Variants in PTPRM observed in about 807,000 individuals in gnomAD.
PTPRM encodes receptor-type tyrosine-protein phosphatase mu.
Under a neutral mutation model 186.7 loss-of-function variants are expected in PTPRM, and 47 were observed. That is an observed-to-expected ratio of 0.25 (90% confidence interval 0.20 to 0.32). PTPRM has a LOEUF of 0.32. Ranked by LOEUF, PTPRM falls within the 10% of genes least tolerant of loss-of-function variation. The probability of loss-of-function intolerance (pLI) is 1.00; values close to 1 mark genes in which losing one functional copy is unlikely to be tolerated. For missense variants in PTPRM, 1,494 were observed against 1,865.0 expected (o/e 0.80, Z 3.66); for synonymous variants, 668 against 674.9 (o/e 0.99, Z 0.16).
intron 23 of PTPRM, among the ~76,000 whole-genome samples, chr18:8,344,960 G>T (rs1009476682): frequency 2.0e-5 from 3 of 152,088 alleles, no homozygotes; most frequent in Non-Finnish European, 4.4e-5. Flanking sequence ...CCAGCCCAGG[G>T]AATTGGCAAG....
intron 23 of PTPRM, among the ~76,000 whole-genome samples, chr18:8,346,951 C>T (rs988322229): frequency 2.0e-5 from 3 of 152,194 alleles, no homozygotes; most frequent in East Asian, 1.9e-4. Flanking sequence ...CATAGTGTCA[C>T]GGAGCACACC....
At chr18:7,818,083 T>C (rs982088626) in intron 2 of PTPRM, among the ~76,000 whole-genome samples, 5 of 152,218 alleles carry the variant, frequency 3.3e-5, no homozygotes, top group South Asian at 2.1e-4. Flanking sequence ...TATTTCCCTT[T>C]TATCTTAGCC....
At chr18:8,302,786 G>A (rs1433732197) in intron 20 of PTPRM, among the ~76,000 whole-genome samples, 1 of 152,020 alleles carries the variant, frequency 6.6e-6, no homozygotes, top group African/African-American at 2.4e-5. Context: ...TAGACACATG[G>A]AAGGATGGAT....
At chr18:8,126,586 C>G (rs1439032568) in intron 13 of PTPRM, among the ~76,000 whole-genome samples, 1 of 152,164 alleles carries the variant, frequency 6.6e-6, no homozygotes, top group Non-Finnish European at 1.5e-5. Context: ...CTACTTCCCA[C>G]CAGTCAGATC....
At chr18:8,056,945 A>G (rs2088009026) in intron 7 of PTPRM, among the ~76,000 whole-genome samples, 1 of 152,112 alleles carries the variant, frequency 6.6e-6, no homozygotes, top group Non-Finnish European at 1.5e-5. Context: ...GAGAAAAGGT[A>G]AACTCAGCTA....
intron 7 of PTPRM, among the ~76,000 whole-genome samples, chr18:8,048,077 G>C (rs1169380706): frequency 1.3e-5 from 2 of 152,094 alleles, no homozygotes; most frequent in Admixed American, 1.3e-4. Flanking sequence ...TTTTAAATCA[G>C]CAAATTGAGC....
At chr18:7,607,371 T>C (rs1272410501) in intron 1 of PTPRM, among the ~76,000 whole-genome samples, 1 of 152,174 alleles carries the variant, frequency 6.6e-6, no homozygotes, top group Non-Finnish European at 1.5e-5. Flanking sequence ...GAACGACTGA[T>C]GTGCTGGGGT....
At chr18:7,761,558 G>A (rs1361484186) in intron 1 of PTPRM, among the ~76,000 whole-genome samples, 1 of 152,104 alleles carries the variant, frequency 6.6e-6, no homozygotes, top group Non-Finnish European at 1.5e-5. Flanking sequence ...TTACATTTAG[G>A]TACTGACTCT....
At chr18:7,660,591 T>C (rs572558802) in intron 1 of PTPRM, among the ~76,000 whole-genome samples, 4 of 152,104 alleles carry the variant, frequency 2.6e-5, no homozygotes, top group African/African-American at 9.7e-5. Flanking sequence ...ACACTCCTAG[T>C]TGAGATCAGA....
chr18:8,241,858 A>G (rs1336031064), intron 14 of PTPRM, among the ~76,000 whole-genome samples: 2 of 152,156 alleles, frequency 1.3e-5, no homozygotes, highest in African/African-American at 4.8e-5. Flanking sequence ...ATATGAGCTT[A>G]ATGTTGTGGT....
At chr18:7,912,561 G>C (rs903527364) in intron 4 of PTPRM, among the ~76,000 whole-genome samples, 2 of 152,116 alleles carry the variant, frequency 1.3e-5, no homozygotes, top group Non-Finnish European at 2.9e-5. Flanking sequence ...GCCCAGGCTG[G>C]AGTGCAGTGG....
intron 1 of PTPRM, among the ~76,000 whole-genome samples, chr18:7,688,004 T>G (rs547005147): frequency 6.6e-6 from 1 of 152,128 alleles, no homozygotes; most frequent in Admixed American, 6.5e-5. Context: ...TCTCGATCTC[T>G]TGACTTTGTG....
Position 8,376,194 on chromosome 18 carries a change from A to G in PTPRM, c.3320A>G (p.His1107Arg). 1 of 1,611,226 alleles carries G rather than the reference A, an allele frequency of 6.2e-7. No homozygotes were observed. Among genetic ancestry groups the G allele is most frequent in the Non-Finnish European group, 8.5e-7 (1 of 1,178,782 alleles). Residue 1107 changes from histidine to arginine, a missense_variant, in exon 25 of 33, where the codon CAC becomes CGC. His to Arg is a conservative substitution (Grantham distance 29). This residue lies in a region of PTPRM where 1,107 missense variants were observed against 1,350.2 expected (regional missense o/e 0.82). Coordinates refer to ENST00000580170, the MANE Select transcript of PTPRM (RefSeq NM_001105244.2). ...CCCAGTGCAGGCCCACTGGTGGTGC[A>G]CTGCAGGTAAGCAGAGCTCCAGAGC... ...SPPSAGPLVV[H>R]CSAGAGRTGC...
At chr18:7,969,648 T>C (rs1468477972) in intron 7 of PTPRM, among the ~76,000 whole-genome samples, 1 of 112,560 alleles carries the variant, frequency 8.9e-6, no homozygotes, top group Non-Finnish European at 1.8e-5. Context: ...CCCACAGAAA[T>C]ACAAACTACC....
intron 1 of PTPRM, among the ~76,000 whole-genome samples, chr18:7,578,134 GGAT>G (rs1180155047): frequency 6.6e-6 from 1 of 151,874 alleles, no homozygotes; most frequent in African/African-American, 2.4e-5. Context: ...ATACCCTGCA[GGAT>G]GATGATGATG....
At chr18:7,959,125 G>A (rs961562686) in intron 7 of PTPRM, among the ~76,000 whole-genome samples, 4 of 152,202 alleles carry the variant, frequency 2.6e-5, no homozygotes, top group African/African-American at 9.7e-5. Flanking sequence ...GAGCCTTAAT[G>A]AGCTACTGAA....
intron 1 of PTPRM, among the ~76,000 whole-genome samples, chr18:7,732,339 C>G (rs2040677539): frequency 6.6e-6 from 1 of 152,138 alleles, no homozygotes; most frequent in Admixed American, 6.5e-5. Flanking sequence ...CTTCTACTTC[C>G]ATTTCATTTT....
intron 14 of PTPRM, among the ~76,000 whole-genome samples, chr18:8,222,414 C>G (rs12607046): frequency 6.6e-6 from 1 of 151,818 alleles, no homozygotes; most frequent in South Asian, 2.1e-4. Flanking sequence ...TCATCAACCC[C>G]CTACAAAGTA....
At chr18:7,939,950 G>A (rs1159202901) in intron 5 of PTPRM, among the ~76,000 whole-genome samples, 1 of 152,138 alleles carries the variant, frequency 6.6e-6, no homozygotes, top group Non-Finnish European at 1.5e-5. Context: ...TCACAATTTT[G>A]TTTTGCTGTG....
Sources: gnomAD v4.1 joint callset for allele counts (sites outside exome capture counted in the v4.1 genomes callset) on GRCh38, gnomAD v4.1.1 for gene constraint, gnomAD v4.1.1 regional missense constraint, MANE v1.5 for transcripts, NCBI Gene and HGNC (gene_info 2026-07-23, HGNC 2026-07-21) for gene names.